GNA12: variants seen among roughly 807,000 people sequenced by gnomAD.
GNA12 encodes guanine nucleotide-binding protein subunit alpha-12.
In GNA12, 9 loss-of-function variants were observed where a neutral mutation model predicts 26.0. The observed-to-expected ratio is 0.35, with a 90% CI of 0.21 to 0.60. The LOEUF (loss-of-function observed/expected upper bound fraction) is 0.60. GNA12 is among the 20% of genes least tolerant of loss of function. GNA12 has a pLI of 0.78. For missense variants in GNA12, 405 were observed against 525.8 expected, an observed-to-expected ratio of 0.77 and a Z score of 2.25; for synonymous variants, 264 against 219.6, an observed-to-expected ratio of 1.20 and a Z score of -1.79.
chr7:2,821,982 G>C (rs937850748), intron 1 of GNA12, among the ~76,000 whole-genome samples: 5 of 152,166 alleles, frequency 3.3e-5, no homozygotes, highest in African/African-American at 1.2e-4. Context: ...AGGGGAATCA[G>C]ACCAGGCCCT....
At chr7:2,806,731 C>A in intron 1 of GNA12, among the ~76,000 whole-genome samples, 1 of 152,142 alleles carries the variant, frequency 6.6e-6, no homozygotes, top group East Asian at 1.9e-4. Flanking sequence ...ATTTCAAGAT[C>A]TGTAATGGCT....
At chr7:2,739,011 G>A (rs764265971) in intron 2 of GNA12, among the ~76,000 whole-genome samples, 4 of 152,184 alleles carry the variant, frequency 2.6e-5, no homozygotes, top group Non-Finnish European at 5.9e-5. Flanking sequence ...CCCAGGAAGA[G>A]CTGCACAGGG....
chr7:2,827,796 G>A lies in GNA12; in HGVS notation c.309+16057C>T, dbSNP rs187654949. Among the ~76,000 whole-genome samples, 676 of 152,304 alleles carry A rather than the reference G, an allele frequency of 4.4e-3. 7 individuals carry two copies. Among genetic ancestry groups the A allele is most frequent in the African/African-American group, 0.015 (643 of 41,570 alleles). On this transcript the variant is annotated intron_variant, in intron 1 of 3. Coordinates refer to ENST00000275364, the MANE Select transcript of GNA12 (RefSeq NM_007353.3). Reference sequence around the variant, plus strand: ...TCATGTATATCTATCATGAGGTATTGCTAATTAACTACAAAAACATCGCGC... The same window carrying A: ...TCATGTATATCTATCATGAGGTATTACTAATTAACTACAAAAACATCGCGC...
chr7:2,838,366 TAG>T (rs1778898194), intron 1 of GNA12, among the ~76,000 whole-genome samples: 1 of 151,508 alleles, frequency 6.6e-6, no homozygotes, highest in Non-Finnish European at 1.5e-5. Context: ...GCTTTGAGGC[TAG>T]CAATTCAAGA....
At chr7:2,756,528 T>C (rs1385090655) in intron 2 of GNA12, among the ~76,000 whole-genome samples, 4 of 151,874 alleles carry the variant, frequency 2.6e-5, no homozygotes, top group Admixed American at 2.6e-4. Context: ...GGCAGGAAGA[T>C]CTCTTGAGCC....
chr7:2,762,621 G>C (rs1324679809), intron 2 of GNA12: 1 of 1,551,442 alleles, frequency 6.4e-7, no homozygotes, highest in African/African-American at 1.4e-5. Context: ...TTCCGGATAA[G>C]ACCCCAATGC....
At chr7:2,802,825 C>G (rs1473624430) in intron 1 of GNA12, among the ~76,000 whole-genome samples, 1 of 152,144 alleles carries the variant, frequency 6.6e-6, no homozygotes, top group Non-Finnish European at 1.5e-5. Flanking sequence ...TAGTTCCTCT[C>G]GAAAACTGAA....
chr7:2,799,261 T>A (rs1301566078), intron 1 of GNA12, among the ~76,000 whole-genome samples: 1 of 152,184 alleles, frequency 6.6e-6, no homozygotes, highest in Non-Finnish European at 1.5e-5. Context: ...AAAGGACTCA[T>A]TTAGAATATA....
intron 2 of GNA12, among the ~76,000 whole-genome samples, chr7:2,766,980 G>C (rs576249367): frequency 1.3e-5 from 2 of 152,272 alleles, no homozygotes; most frequent in South Asian, 4.1e-4. Context: ...GCATTTCTCT[G>C]ACCATCAGGG....
intron 2 of GNA12, among the ~76,000 whole-genome samples, chr7:2,753,354 T>C (rs149626162): frequency 3.9e-5 from 6 of 152,300 alleles, no homozygotes; most frequent in African/African-American, 1.2e-4. Flanking sequence ...TCTTGCTATG[T>C]TGTCCAGGCT....
chr7:2,738,186 G>T (rs752782703), intron 2 of GNA12, among the ~76,000 whole-genome samples: 7 of 152,070 alleles, frequency 4.6e-5, no homozygotes, highest in Non-Finnish European at 1.0e-4. Context: ...TTGGGAGGCC[G>T]AGGCAATCAC....
At chr7:2,828,947 C>T (rs1291237187) in intron 1 of GNA12, among the ~76,000 whole-genome samples, 1 of 152,044 alleles carries the variant, frequency 6.6e-6, no homozygotes, top group Non-Finnish European at 1.5e-5. Context: ...GTGGTGTCTG[C>T]CTGCAGTCCC....
chr7:2,740,677 G>GT (rs1160359450), intron 2 of GNA12, among the ~76,000 whole-genome samples: 1 of 152,188 alleles, frequency 6.6e-6, no homozygotes, highest in East Asian at 1.9e-4. Context: ...GGGTTTATGA[G>GT]TATCTGTTGG....
At chr7:2,810,074 A>G (rs1415539236) in intron 1 of GNA12, among the ~76,000 whole-genome samples, 1 of 152,238 alleles carries the variant, frequency 6.6e-6, no homozygotes, top group Non-Finnish European at 1.5e-5. Context: ...GGATCGCTTA[A>G]GAAGTACGCA....
At chr7:2,765,184 G>C (rs889995169) in intron 2 of GNA12, 2 of 148,778 alleles carry the variant, frequency 1.3e-5, no homozygotes, top group African/African-American at 5.0e-5. Flanking sequence ...GTCTCGCTCT[G>C]TCGCCCAGGC....
intron 3 of GNA12, among the ~76,000 whole-genome samples, chr7:2,732,580 A>C (rs1373438368): frequency 6.6e-6 from 1 of 152,072 alleles, no homozygotes; most frequent in African/African-American, 2.4e-5. Flanking sequence ...CAAAAAACCA[A>C]CAAAACACCT....
chr7:2,774,113 G>A (rs1374454922), intron 2 of GNA12, among the ~76,000 whole-genome samples: 3 of 152,164 alleles, frequency 2.0e-5, no homozygotes, highest in Admixed American at 2.0e-4. Flanking sequence ...CTGGAGAGCA[G>A]AAGGTGGTGT....
intron 2 of GNA12, among the ~76,000 whole-genome samples, chr7:2,773,848 T>G (rs926149010): frequency 6.6e-6 from 1 of 152,208 alleles, no homozygotes; most frequent in Admixed American, 6.5e-5. Context: ...GTAATGACGC[T>G]GAGCTGGCGT....
At chr7:2,829,751 C>T (rs1250188736) in intron 1 of GNA12, among the ~76,000 whole-genome samples, 2 of 152,156 alleles carry the variant, frequency 1.3e-5, no homozygotes, top group Admixed American at 1.3e-4. Flanking sequence ...TTCGGAGCTG[C>T]CATGTTGTCC....
Sources: gnomAD v4.1 joint callset for allele counts (sites outside exome capture counted in the v4.1 genomes callset) on GRCh38, gnomAD v4.1.1 for gene constraint, MANE v1.5 for transcripts, NCBI Gene and HGNC (gene_info 2026-07-23, HGNC 2026-07-21) for gene names.